AP1B1: variants seen among roughly 807,000 people sequenced by gnomAD.
AP1B1 encodes the protein adaptor related protein complex 1 subunit beta 1.
AP1B1 carries 36 observed loss-of-function variants against 104.3 expected under a neutral mutation model. That is an observed-to-expected ratio of 0.35 (90% CI 0.26 to 0.46). The LOEUF is 0.46. Ranked by LOEUF, AP1B1 falls within the 20% of genes least tolerant of loss-of-function variation. The probability of loss-of-function intolerance (pLI) is 1.00; values close to 1 mark genes in which losing one functional copy is unlikely to be tolerated. For missense variants in AP1B1, 901 were observed against 1,247.9 expected (o/e 0.72, Z 4.19); for synonymous variants, 504 against 517.5 (o/e 0.97, Z 0.35).
chr22:29,374,679 T>C (rs1485713926), intron 1 of AP1B1, among the ~76,000 whole-genome samples: 2 of 152,214 alleles, frequency 1.3e-5, no homozygotes, highest in Non-Finnish European at 2.9e-5. Context: ...CTAGTGATAG[T>C]CTGAAACGCT....
chr22:29,369,053 C>G (rs530726928), intron 1 of AP1B1, among the ~76,000 whole-genome samples: 5 of 152,168 alleles, frequency 3.3e-5, no homozygotes, highest in African/African-American at 1.2e-4. Flanking sequence ...ATGGAGAAAA[C>G]CCACTTCACT....
At chr22:29,331,345 C>T (rs868755820) in intron 19 of AP1B1, 104 bp downstream of exon 19, 22 of 1,139,424 alleles carry the variant, frequency 1.9e-5, no homozygotes, top group African/African-American at 6.1e-5. Context: ...ACTCCATTTA[C>T]GGGCAAGGCA....
rs2061556972 is a variant in AP1B1, at chr22:29,331,509, C to T, written c.2464G>A (p.Val822Ile). Residue 822 changes from valine to isoleucine, a missense_variant, in exon 19 of 23, where the codon GTC becomes ATC. By Grantham distance (29) the Val-to-Ile change is conservative. Transcript: ENST00000357586. ...GGGTACAAGGTGCTGAAGTAGAAGA[C>T]ATCGATGTTGTTCTTCACGGCCACC... The part of the protein sequence containing the change: ...LQVAVKNNID[V>I]FYFSTLYPLH... The T allele has an allele frequency of 6.2e-7, 1 of 1,614,098 alleles. No individual in the cohort carries two copies.
chr22:29,342,955 C>T (rs1376028248), intron 11 of AP1B1, among the ~76,000 whole-genome samples: 2 of 152,214 alleles, frequency 1.3e-5, no homozygotes, highest in African/African-American at 4.8e-5. Context: ...GCCAACCCCA[C>T]CTCCAGACCC....
Position 29,354,822 on chromosome 22 carries a change from C to A in AP1B1, c.766G>T (p.Val256Leu), listed in dbSNP as rs2061930587. The change falls in exon 7 of 23, where the codon GTG becomes TTG. Residue 256 changes from valine to leucine, a missense_variant. Transcript: ENST00000357586. ...ATCAGCACCTTCACAGCAGAGAGCA[C>A]CACAGCGGAGTTGGCATGGGAGAGC... The part of the protein sequence containing the change: ...PRLSHANSAV[V>L]LSAVKVLMKF... 6.2e-7 allele frequency: 1 copy of A among 1,613,942 alleles called. No individual in the cohort carries two copies. Among genetic ancestry groups the A allele is most frequent in the South Asian group, 1.1e-5 (1 of 91,074 alleles).
chr22:29,361,937 G>C (rs561260325), intron 3 of AP1B1, among the ~76,000 whole-genome samples: 1 of 152,094 alleles, frequency 6.6e-6, no homozygotes, highest in Non-Finnish European at 1.5e-5. Flanking sequence ...GGGATTACAG[G>C]TGCCCACCAC....
intron 1 of AP1B1, among the ~76,000 whole-genome samples, chr22:29,382,429 G>A (rs1306603395): frequency 6.6e-6 from 1 of 152,194 alleles, no homozygotes; most frequent in African/African-American, 2.4e-5. Context: ...CATCTTTCGT[G>A]TACCAGAAAC....
chr22:29,329,539 G>GA, intron 22 of AP1B1, 173 bp downstream of exon 22: 1 of 1,470,632 alleles, frequency 6.8e-7, no homozygotes, highest in Admixed American at 2.5e-5. Flanking sequence ...TGCACACTGT[G>GA]AATGTGTGGA....
intron 17 of AP1B1, among the ~76,000 whole-genome samples, chr22:29,332,638 A>G (rs2147934619): frequency 6.6e-6 from 1 of 152,166 alleles, no homozygotes; most frequent in East Asian, 1.9e-4. Flanking sequence ...ACCTCTTCCT[A>G]TCCTCTAGAT....
intron 9 of AP1B1, among the ~76,000 whole-genome samples, chr22:29,350,640 G>A (rs1266703294): frequency 6.6e-6 from 1 of 152,124 alleles, no homozygotes; most frequent in Non-Finnish European, 1.5e-5. Context: ...TAGGTCGGGG[G>A]CGACCACCTA....
intron 1 of AP1B1, among the ~76,000 whole-genome samples, chr22:29,376,847 C>T (rs2062350699): frequency 6.6e-6 from 1 of 152,012 alleles, no homozygotes; most frequent in Non-Finnish European, 1.5e-5. Flanking sequence ...GCTTAGAGTT[C>T]GTTAGAGATG....
intron 1 of AP1B1, among the ~76,000 whole-genome samples, chr22:29,373,984 G>T (rs1383346125): frequency 6.6e-6 from 1 of 150,536 alleles, no homozygotes; most frequent in Non-Finnish European, 1.5e-5. Flanking sequence ...GATCACCTGA[G>T]GTCAGGAGTT....
chr22:29,368,237 G>A (rs189430419), intron 1 of AP1B1, among the ~76,000 whole-genome samples: 1 of 152,212 alleles, frequency 6.6e-6, no homozygotes, highest in Admixed American at 6.5e-5. Flanking sequence ...GACTGAGGCT[G>A]CAGTAAGCTG....
At position 29,387,453 on chromosome 22, in the gene AP1B1, G is replaced by C. The variant is rs557215503; in HGVS notation, c.-28+971C>G. Among the ~76,000 whole-genome samples, 2 of 152,070 alleles carry C rather than the reference G, an allele frequency of 1.3e-5. 1 individual carries two copies. Among genetic ancestry groups the C allele is most frequent in the Non-Finnish European group, 2.9e-5 (2 of 68,028 alleles). On this transcript the variant is annotated intron_variant, in intron 1 of 22. Transcript: ENST00000357586. The stretch of plus-strand genomic sequence containing the variant: ...CTCCCAAGTAGCTGGGATTACAGGC[G>C]TACGCCACCATGTCTGGCTAATTTT...
chr22:29,369,824 G>C (rs1037754978), intron 1 of AP1B1, among the ~76,000 whole-genome samples: 3 of 149,182 alleles, frequency 2.0e-5, no homozygotes, highest in Non-Finnish European at 4.4e-5. Context: ...GGAATTTACC[G>C]ACATTAAAAA....
chr22:29,366,629 C>CA (rs1225175444), intron 2 of AP1B1, among the ~76,000 whole-genome samples: 2 of 151,726 alleles, frequency 1.3e-5, no homozygotes, highest in Admixed American at 6.6e-5. Flanking sequence ...AACTCCGTCT[C>CA]AAAAAAACAA....
chr22:29,374,408 TACTC>T (rs1162732950), intron 1 of AP1B1, among the ~76,000 whole-genome samples: 1 of 152,160 alleles, frequency 6.6e-6, no homozygotes, highest in Non-Finnish European at 1.5e-5. Flanking sequence ...ATGATAAACA[TACTC>T]ACTAACATTT....
intron 1 of AP1B1, among the ~76,000 whole-genome samples, chr22:29,382,804 T>G (rs896163542): frequency 6.6e-6 from 1 of 152,062 alleles, no homozygotes; most frequent in African/African-American, 2.4e-5. Flanking sequence ...GAGTGAGCAA[T>G]GAGGAAAACA....
chr22:29,355,315 C>T lies in AP1B1; in HGVS notation c.717-444G>A, dbSNP rs1418497322. Among the ~76,000 whole-genome samples, 9 of 151,296 alleles carry T rather than the reference C, an allele frequency of 5.9e-5. No individual in the cohort carries two copies. In the East Asian group the frequency reaches 1.5e-3, roughly 26 times the overall value. Reference sequence around the variant, plus strand: ...TACTAAAAATAATTTTACACATTAGCTGAGTATGGTGGTGCATGCCTGTAG... The same window carrying T: ...TACTAAAAATAATTTTACACATTAGTTGAGTATGGTGGTGCATGCCTGTAG... On this transcript the variant is annotated intron_variant, in intron 6 of 22. Coordinates refer to ENST00000357586, the MANE Select transcript of AP1B1 (RefSeq NM_001127.4).
Sources: allele counts gnomAD v4.1 joint callset (sites outside exome capture counted in the v4.1 genomes callset), GRCh38; gene constraint gnomAD v4.1.1; transcripts MANE v1.5; gene names NCBI Gene and HGNC (gene_info 2026-07-23, HGNC 2026-07-21).